NTNG1: variants seen among roughly 807,000 people sequenced by gnomAD.
The protein encoded by NTNG1 is netrin G1.
Under a neutral mutation model 54.0 loss-of-function variants are expected in NTNG1, and 16 were observed. The observed-to-expected ratio is 0.30, with a 90% CI of 0.20 to 0.45. The LOEUF (loss-of-function observed/expected upper bound fraction) is 0.45, where lower values mean the gene tolerates loss of function less well. Ranked by LOEUF, NTNG1 falls within the 20% of genes least tolerant of loss-of-function variation. NTNG1 has a pLI of 1.00. For synonymous variants in NTNG1, 255 were observed against 263.1 expected (o/e 0.97, Z 0.30); for missense variants, 530 against 678.7 (o/e 0.78, Z 2.43).
intron 3 of NTNG1, among the ~76,000 whole-genome samples, chr1:107,372,689 T>C (rs114054578): frequency 5.6e-4 from 86 of 152,260 alleles, no homozygotes; most frequent in African/African-American, 1.8e-3. Flanking sequence ...TCAAGTCTAC[T>C]ATAAACTTGC....
chr1:107,463,459 T>C (rs906712414), intron 7 of NTNG1, among the ~76,000 whole-genome samples: 14 of 152,136 alleles, frequency 9.2e-5, no homozygotes, highest in Non-Finnish European at 2.9e-5. Flanking sequence ...ACTGGCTGAA[T>C]TGTCAAAATT....
chr1:107,368,176 T>C (rs755822512), intron 3 of NTNG1, among the ~76,000 whole-genome samples: 1 of 152,188 alleles, frequency 6.6e-6, no homozygotes, highest in Non-Finnish European at 1.5e-5. Flanking sequence ...TACATCCTTA[T>C]TACCTCTGGT....
At chr1:107,161,616 G>A (rs1046127392) in intron 2 of NTNG1, among the ~76,000 whole-genome samples, 13 of 151,008 alleles carry the variant, frequency 8.6e-5, no homozygotes, top group African/African-American at 2.4e-4. Context: ...AGTTGAGATC[G>A]TGCCACTGCA....
chr1:107,257,528 G>A (rs756985001), intron 2 of NTNG1, among the ~76,000 whole-genome samples: 7 of 152,100 alleles, frequency 4.6e-5, no homozygotes, highest in Non-Finnish European at 7.4e-5. Context: ...TATCAATATG[G>A]TCATTTTGTA....
chr1:107,259,874 G>A (rs919617442), intron 2 of NTNG1, among the ~76,000 whole-genome samples: 1 of 152,008 alleles, frequency 6.6e-6, no homozygotes, highest in Non-Finnish European at 1.5e-5. Context: ...TATATCTTGG[G>A]TCATAAATAG....
intron 2 of NTNG1, among the ~76,000 whole-genome samples, chr1:107,290,653 G>T (rs1248454539): frequency 6.6e-6 from 1 of 151,956 alleles, no homozygotes; most frequent in Non-Finnish European, 1.5e-5. Flanking sequence ...AAACCAGGAA[G>T]GTCTAAAATT....
chr1:107,348,519 C>T (rs1053173512), intron 3 of NTNG1, among the ~76,000 whole-genome samples: 1 of 152,168 alleles, frequency 6.6e-6, no homozygotes, highest in Non-Finnish European at 1.5e-5. Context: ...TTATCAAGGG[C>T]TGTCCACTGT....
chr1:107,404,495 T>C (rs1289988674), intron 4 of NTNG1, among the ~76,000 whole-genome samples: 1 of 152,192 alleles, frequency 6.6e-6, no homozygotes, highest in East Asian at 1.9e-4. Context: ...TGGAACACTT[T>C]ATAGGGGATA....
At chr1:107,239,414 T>A (rs1274844736) in intron 2 of NTNG1, among the ~76,000 whole-genome samples, 1 of 152,176 alleles carries the variant, frequency 6.6e-6, no homozygotes, top group Non-Finnish European at 1.5e-5. Flanking sequence ...AAATATCAGA[T>A]CTGAAGTACT....
At chr1:107,364,482 G>A (rs1220685790) in intron 3 of NTNG1, among the ~76,000 whole-genome samples, 1 of 152,158 alleles carries the variant, frequency 6.6e-6, no homozygotes, top group Non-Finnish European at 1.5e-5. Context: ...TATTCTAGGA[G>A]TGAACTGACT....
At chr1:107,258,777 A>G (rs1663104956) in intron 2 of NTNG1, among the ~76,000 whole-genome samples, 1 of 152,224 alleles carries the variant, frequency 6.6e-6, no homozygotes, top group African/African-American at 2.4e-5. Context: ...GATTCCACGC[A>G]GTCAGCCCAC....
chr1:107,330,839 C>T (rs1668231795), intron 3 of NTNG1: 1 of 151,938 alleles, frequency 6.6e-6, no homozygotes, highest in Non-Finnish European at 1.5e-5. Context: ...CATTATAGAA[C>T]ATTTACAGAA....
At chr1:107,199,713 C>A (rs1332248153) in intron 2 of NTNG1, among the ~76,000 whole-genome samples, 2 of 151,892 alleles carry the variant, frequency 1.3e-5, no homozygotes, top group East Asian at 3.9e-4. Flanking sequence ...TTCATACACA[C>A]AGTCCTCCTC....
At chr1:107,422,515 A>G (rs1012533693) in intron 5 of NTNG1, among the ~76,000 whole-genome samples, 1 of 152,106 alleles carries the variant, frequency 6.6e-6, no homozygotes, top group African/African-American at 2.4e-5. Context: ...AAGCTACCCA[A>G]TGAGGTAGAC....
chr1:107,380,194 T>C (rs992062842), intron 3 of NTNG1, among the ~76,000 whole-genome samples: 8 of 152,168 alleles, frequency 5.3e-5, no homozygotes, highest in Non-Finnish European at 1.5e-5. Context: ...TAATCTCTCT[T>C]TTTTTTCCAT....
intron 7 of NTNG1, among the ~76,000 whole-genome samples, chr1:107,466,476 A>T (rs1677617406): frequency 6.6e-6 from 1 of 152,240 alleles, no homozygotes; most frequent in Non-Finnish European, 1.5e-5. Context: ...TGGAGCTTTT[A>T]TTCTAGAATA....
intron 3 of NTNG1, among the ~76,000 whole-genome samples, chr1:107,326,718 T>G (rs11185091): frequency 0.49 from 73,840 of 151,876 alleles, 20,926 homozygotes; most frequent in Non-Finnish European, 0.62. Flanking sequence ...CAAATTCCTA[T>G]TGCTCCACCT....
At chr1:107,435,078 G>T (rs779547009) in intron 6 of NTNG1, among the ~76,000 whole-genome samples, 32 of 151,904 alleles carry the variant, frequency 2.1e-4, no homozygotes, top group Non-Finnish European at 3.7e-4. Flanking sequence ...TGGGCTAATT[G>T]ACTGGAGGAG....
In NTNG1 at chr1:107,148,584, G is replaced by T. The variant is rs369369587; in HGVS notation, c.-10G>T. 6.2e-7 allele frequency: 1 copy of T among 1,612,084 alleles called. No individual in the cohort carries two copies. The highest frequency in any genetic ancestry group is 8.5e-7 in the Non-Finnish European group (1 of 1,178,648). On this transcript the variant is annotated 5_prime_UTR_variant, in exon 2 of 8. Coordinates refer to ENST00000370068, the MANE Select transcript of NTNG1 (RefSeq NM_001113226.3). ...CTTTAGTTTCCAAGAAGATTACAAA[G>T]AATTTAGAGATGTATTTGTCAAGAT... is the stretch of plus-strand genomic sequence containing the variant.
Sources: gnomAD v4.1 joint callset for allele counts (sites outside exome capture counted in the v4.1 genomes callset) on GRCh38, gnomAD v4.1.1 for gene constraint, MANE v1.5 for transcripts, NCBI Gene and HGNC (gene_info 2026-07-23, HGNC 2026-07-21) for gene names.